Variants in CMAS observed in about 807,000 individuals in gnomAD.
CMAS encodes the protein N-acylneuraminate cytidylyltransferase.
In CMAS, 21 loss-of-function variants were observed where a neutral mutation model predicts 53.4. The ratio of observed to expected loss-of-function variants is 0.39; its 90% CI spans 0.28 to 0.57. CMAS has a LOEUF of 0.57. CMAS is among the 20% of genes least tolerant of loss of function. The pLI, the probability that CMAS is intolerant of heterozygous loss-of-function variation, is 0.56. For synonymous variants in CMAS, 189 were observed against 195.2 expected, an observed-to-expected ratio of 0.97 and a Z score of 0.27; for missense variants, 384 against 534.9, an observed-to-expected ratio of 0.72 and a Z score of 2.78.
chr12:22,055,575 G>A lies in CMAS; in HGVS notation c.524G>A (p.Arg175His), dbSNP rs199957467. The change falls in exon 3 of 8, where the codon CGC becomes CAC. Residue 175 changes from arginine to histidine, a missense_variant. Transcript: ENST00000229329. ...GATTCTGTTTTCTCTGTTGTGAGAC[G>A]CCATCAGTTTCGATGGAGTGAAATT... ...GYDSVFSVVR[R>H]HQFRWSEIQK... The A allele has an allele frequency of 1.9e-5, 31 of 1,609,884 alleles. No homozygotes were observed. Among genetic ancestry groups the A allele is most frequent in the African/African-American group, 4.0e-5 (3 of 74,878 alleles).
intron 4 of CMAS, 164 bp from the exon 5 acceptor site, chr12:22,060,668 G>C (rs1317019241): frequency 1.9e-6 from 1 of 519,348 alleles, no homozygotes; most frequent in Non-Finnish European, 3.4e-6. Context: ...AAATAAAAAA[G>C]TAAAAATAAA....
Position 22,062,389 on chromosome 12 carries a change from T to C in CMAS, c.1069T>C (p.Trp357Arg). Residue 357 changes from tryptophan (W) to arginine (R), a missense_variant, in exon 7 of 8, where the codon TGG becomes CGG. Around this residue, in one of 3 missense-constraint regions of CMAS, gnomAD observed 134 missense variants for 154.6 expected, o/e 0.87. Coordinates refer to ENST00000229329, the MANE Select transcript of CMAS (RefSeq NM_018686.6). Reference sequence around the variant, plus strand: ...AGACAAGCTAGCAGTTGTAGATGAATGGAGAAAAGAAATGGGCCTGTGCTG... The same window carrying C: ...AGACAAGCTAGCAGTTGTAGATGAACGGAGAAAAGAAATGGGCCTGTGCTG... The part of the protein sequence containing the change: ...VSDKLAVVDE[W>R]RKEMGLCWKE... 6.2e-7 allele frequency: 1 copy of C among 1,613,632 alleles called. No homozygotes were observed. Among genetic ancestry groups the C allele is most frequent in the Non-Finnish European group, 8.5e-7 (1 of 1,179,798 alleles).
chr12:22,058,806 A>G, intron 4 of CMAS, 106 bp downstream of exon 4: 10 of 1,345,320 alleles, frequency 7.4e-6, no homozygotes, highest in Non-Finnish European at 1.0e-5. Flanking sequence ...GAAAAGTATC[A>G]ACCTATAGAG....
At chr12:22,064,903 G>T (rs1950335782) in intron 7 of CMAS, among the ~76,000 whole-genome samples, 1 of 152,074 alleles carries the variant, frequency 6.6e-6, no homozygotes, top group Non-Finnish European at 1.5e-5. Flanking sequence ...TTCTTCTCTA[G>T]CTCATAAGAG....
chr12:22,051,248 G>A (rs1950238315), intron 1 of CMAS, among the ~76,000 whole-genome samples: 1 of 152,196 alleles, frequency 6.6e-6, no homozygotes, highest in South Asian at 2.1e-4. Flanking sequence ...TATTGCCAGA[G>A]TTGATTTTGT....
intron 6 of CMAS, 44 bp from the exon 7 acceptor site, chr12:22,062,237 A>C: frequency 6.6e-7 from 1 of 1,520,518 alleles, no homozygotes; most frequent in Non-Finnish European, 8.8e-7. Flanking sequence ...TCACTTTTTA[A>C]TTTTTCCCTT....
Position 22,061,368 on chromosome 12 carries a change from T to G in CMAS, c.876T>G (p.Tyr292Ter). The G allele has an allele frequency of 6.2e-7, 1 of 1,608,764 alleles. No homozygotes were observed. Among genetic ancestry groups the G allele is most frequent in the Non-Finnish European group, 8.5e-7 (1 of 1,175,900 alleles). Reference sequence around the variant, plus strand: ...GATGTCTCACCAATGGCCACATTTATGTATCAGGAGACCAAAAAGAAATAA... The same window carrying G: ...GATGTCTCACCAATGGCCACATTTAGGTATCAGGAGACCAAAAAGAAATAA... ...IDGCLTNGHI[Y>*]VSGDQKEIIS... is the part of the protein sequence containing the mutation. Residue 292 changes from tyrosine (Y) to a stop codon, truncating the protein, a stop_gained, in exon 6 of 8, where the codon TAT (tyrosine) becomes TAG (stop). Coordinates refer to ENST00000229329, the MANE Select transcript of CMAS (RefSeq NM_018686.6). LOFTEE classifies it high-confidence loss of function.
At chr12:22,052,289 A>G (rs1447343336) in intron 1 of CMAS, among the ~76,000 whole-genome samples, 2 of 152,216 alleles carry the variant, frequency 1.3e-5, no homozygotes, top group African/African-American at 4.8e-5. Context: ...TATGCTCTAT[A>G]TGTTATTACA....
chr12:22,060,528 C>G (rs1452966834), intron 4 of CMAS: 4 of 236,154 alleles, frequency 1.7e-5, no homozygotes, highest in Non-Finnish European at 2.5e-5. Context: ...GTGCTGTATA[C>G]CTGTAGTACC....
At chr12:22,063,036 TG>T (rs1950319060) in intron 7 of CMAS, among the ~76,000 whole-genome samples, 1 of 151,986 alleles carries the variant, frequency 6.6e-6, no homozygotes, top group Admixed American at 6.5e-5. Context: ...AATATAACAA[TG>T]TTTTTCACTT....
chr12:22,062,525 TG>T (rs1288222459), intron 7 of CMAS, 91 bp downstream of exon 7: 1 of 1,272,758 alleles, frequency 7.9e-7, no homozygotes, highest in African/African-American at 1.5e-5. Flanking sequence ...ATCCTCCAAA[TG>T]GGTATGATTG....
rs1221801691 is a variant in CMAS at position 22,058,617 on chromosome 12, C to G, written c.610C>G (p.Arg204Gly). 8 of 1,613,316 alleles carry G rather than the reference C, an allele frequency of 5.0e-6. No homozygotes were observed. Among genetic ancestry groups the G allele is most frequent in the Non-Finnish European group, 6.8e-6 (8 of 1,179,748 alleles). Reference sequence around the variant, plus strand: ...TTTAAATCCAGCTAAACGGCCTCGTCGACAAGACTGGGATGGAGAATTATA... The same window carrying G: ...TTTAAATCCAGCTAAACGGCCTCGTGGACAAGACTGGGATGGAGAATTATA... ...LNLNPAKRPRRQDWDGELYEN... is the reference protein window; with the variant it reads ...LNLNPAKRPRGQDWDGELYEN... The change falls in exon 4 of 8, where the codon CGA becomes GGA. Residue 204 changes from arginine to glycine, a missense_variant. By Grantham distance (125) the Arg-to-Gly change is moderately radical. This residue lies in a region of CMAS where 139 missense variants were observed against 248.0 expected (regional missense o/e 0.56). Coordinates refer to ENST00000229329, the MANE Select transcript of CMAS (RefSeq NM_018686.6).
chr12:22,053,400 CAT>C (rs1382878724), intron 1 of CMAS, among the ~76,000 whole-genome samples: 109 of 149,610 alleles, frequency 7.3e-4, no homozygotes, highest in African/African-American at 2.6e-3. Context: ...TACACACACA[CAT>C]ATACACATTA....
At chr12:22,058,535 A>G in intron 3 of CMAS, 32 bp from the exon 4 acceptor site, 1 of 1,597,792 alleles carries the variant, frequency 6.3e-7, no homozygotes, top group African/African-American at 1.3e-5. Flanking sequence ...TATTCAGGGC[A>G]ACGTGGACTT....
intron 4 of CMAS, among the ~76,000 whole-genome samples, chr12:22,060,333 T>TAAAAAAAAA (rs58755366): frequency 0.083 from 4,489 of 54,094 alleles, 683 homozygotes; most frequent in East Asian, 0.27. Context: ...GCTTTCTCCT[T>TAAAAAAAAA]AAAAAAAAAA....
chr12:22,057,274 C>G (rs991370919), intron 3 of CMAS, among the ~76,000 whole-genome samples: 2 of 147,332 alleles, frequency 1.4e-5, no homozygotes, highest in Non-Finnish European at 1.5e-5. Context: ...CACACACACA[C>G]AGATTTGAGG....
intron 1 of CMAS, among the ~76,000 whole-genome samples, chr12:22,053,510 A>AATATAT (rs35771301): frequency 1.4e-5 from 2 of 146,942 alleles, no homozygotes; most frequent in Admixed American, 1.4e-4. Context: ...ATACACACCA[A>AATATAT]ATATATATAT....
rs10841930 is a variant in CMAS, at chr12:22,060,852, C to T, written c.714C>T (p.Tyr238=). 222,683 of 1,605,088 alleles carry T rather than the reference C, an allele frequency of 0.14. 22,270 individuals carry two copies. The highest frequency in any genetic ancestry group is 0.49 in the East Asian group (21,977 of 44,612). ...TTTAGGGTGGAAAAATGGCATACTA[C>T]GAAATGCGAGCTGAACATAGTGTGG... ...GYLQGGKMAY[Y]EMRAEHSVDI... Residue 238 remains tyrosine, a synonymous_variant, in exon 5 of 8, where the codon TAC becomes TAT. Coordinates refer to ENST00000229329, the MANE Select transcript of CMAS (RefSeq NM_018686.6).
chr12:22,056,759 T>C (rs1426490778), intron 3 of CMAS, among the ~76,000 whole-genome samples: 1 of 152,180 alleles, frequency 6.6e-6, no homozygotes, highest in East Asian at 1.9e-4. Flanking sequence ...GTAACTCAAG[T>C]CCACAAGGTC....
Sources: allele counts gnomAD v4.1 joint callset (sites outside exome capture counted in the v4.1 genomes callset), GRCh38; gene constraint gnomAD v4.1.1; regional missense constraint gnomAD v4.1.1; transcripts MANE v1.5; gene names NCBI Gene and HGNC (gene_info 2026-07-23, HGNC 2026-07-21).